POLQ: variants seen among roughly 807,000 people sequenced by gnomAD.
POLQ encodes DNA polymerase theta.
POLQ carries 233 observed loss-of-function variants against 259.2 expected under a neutral mutation model. That is an observed-to-expected ratio of 0.90 (90% CI 0.81 to 1.00). POLQ has a LOEUF of 1.00. Ranked by LOEUF, POLQ falls within the 50% of genes least tolerant of loss-of-function variation. The pLI is 0.00. For synonymous variants in POLQ, 1,025 were observed against 1,048.8 expected, an observed-to-expected ratio of 0.98 and a Z score of 0.44; for missense variants, 2,871 against 3,051.6, an observed-to-expected ratio of 0.94 and a Z score of 1.39.
Position 121,529,690 on chromosome 3 carries a change from C to T in POLQ, c.1063G>A (p.Asp355Asn). The change falls in exon 7 of 30, where the codon GAT (aspartate) becomes AAT (asparagine). Residue 355 changes from aspartate (D) to asparagine (N), a missense_variant. Physicochemically the swap from Asp to Asn is conservative, Grantham distance 23. Transcript: ENST00000264233. Reference sequence around the variant, plus strand: ...TTATAAAACTCTCGAGCAATGATATCTGCCAGCTTCTCACACCATTTCTTT... The same window carrying T: ...TTATAAAACTCTCGAGCAATGATATTTGCCAGCTTCTCACACCATTTCTTT... Reference protein sequence around the residue: ...PSKKWCEKLADIIAREFYNLH... With the variant: ...PSKKWCEKLANIIAREFYNLH... 6.2e-7 allele frequency: 1 copy of T among 1,613,426 alleles called. No homozygotes were observed. The highest frequency in any genetic ancestry group is 1.1e-5 in the South Asian group (1 of 91,032).
rs1169447792 is a variant in POLQ at position 121,509,702 on chromosome 3, T to G, written c.1818A>C (p.Gly606=). 1.9e-6 allele frequency: 3 copies of G among 1,612,294 alleles called. No homozygotes were observed. Among genetic ancestry groups the G allele is most frequent in the Non-Finnish European group, 2.5e-6 (3 of 1,179,230 alleles). Residue 606 remains glycine (G), a splice_region_variant and synonymous_variant, in exon 12 of 30, where the codon GGA becomes GGC. Transcript: ENST00000264233. ...QSTEASDGTE[G]KVYHPTHLGS... ...CAAGATGTGTTGGATGATACACCTTTCCTGGTTTAGGGTTAGGGTGAGGAA... is the reference window on the plus strand; with the variant it reads ...CAAGATGTGTTGGATGATACACCTTGCCTGGTTTAGGGTTAGGGTGAGGAA...
At chr3:121,437,164 T>G (rs2047550712) in intron 27 of POLQ, among the ~76,000 whole-genome samples, 1 of 151,778 alleles carries the variant, frequency 6.6e-6, no homozygotes. Context: ...AGACCAGGAG[T>G]TTGAAACCAG....
chr3:121,545,744 A>G lies in POLQ; in HGVS notation c.134T>C (p.Leu45Pro), dbSNP rs1344962489. ...SGSVLSPPPG[L>P]GRCLKAAAAG... The stretch of plus-strand genomic sequence containing the variant: ...AGCTGCGGCCTTCAGGCAGCGACCA[A>G]GGCCGGGCGGCGGGCTCAGCACGGA... The change falls in exon 1 of 30, where the codon CTT (leucine) becomes CCT (proline). Residue 45 changes from leucine to proline, a missense_variant. By Grantham distance (98) the Leu-to-Pro change is moderately conservative. Around this residue, in one of 3 missense-constraint regions of POLQ, gnomAD observed 783 missense variants for 906.2 expected, o/e 0.86. Coordinates refer to ENST00000264233, the MANE Select transcript of POLQ (RefSeq NM_199420.4). The G allele has an allele frequency of 6.3e-7, 1 of 1,590,726 alleles. No homozygotes were observed. Among genetic ancestry groups the G allele is most frequent in the Admixed American group, 1.8e-5 (1 of 57,046 alleles).
intron 14 of POLQ, chr3:121,494,598 T>C: frequency 1.9e-6 from 3 of 1,544,378 alleles, no homozygotes; most frequent in Non-Finnish European, 1.8e-6. Flanking sequence ...GCGGATCCCA[T>C]CAAGCTGGCT....
intron 8 of POLQ, chr3:121,521,784 T>C (rs1038535557): frequency 3.8e-6 from 1 of 266,118 alleles, no homozygotes; most frequent in Non-Finnish European, 7.0e-6. Context: ...TTGGCCAGGC[T>C]GGTCTTAAAC....
chr3:121,522,723 A>C (rs537086265), intron 7 of POLQ, among the ~76,000 whole-genome samples: 2 of 152,312 alleles, frequency 1.3e-5, no homozygotes, highest in East Asian at 3.9e-4. Context: ...AGGCAATTCC[A>C]ATGTGCGCCA....
chr3:121,516,850 T>TGCTCATTAGC (rs2048301360), intron 9 of POLQ, among the ~76,000 whole-genome samples: 1 of 152,226 alleles, frequency 6.6e-6, no homozygotes, highest in African/African-American at 2.4e-5. Flanking sequence ...AGCTTGAAGT[T>TGCTCATTAGC]ATGAGCAAGT....
At chr3:121,537,252 T>C in intron 4 of POLQ, 44 bp from the exon 5 acceptor site, 2 of 1,064,184 alleles carry the variant, frequency 1.9e-6, no homozygotes, top group Non-Finnish European at 2.9e-6. Context: ...GAATGTCACA[T>C]CCATGAAGAA....
chr3:121,436,136 T>C lies in POLQ; in HGVS notation c.7529A>G (p.Gln2510Arg), dbSNP rs1560082698. 1.2e-6 allele frequency: 2 copies of C among 1,613,742 alleles called. No individual in the cohort carries two copies. Among genetic ancestry groups the C allele is most frequent in the Non-Finnish European group, 1.7e-6 (2 of 1,179,646 alleles). ...TATGAACAAACCTGTTTGGTCACTTTGGAGCATACCCTCTCGATGACCATG... is the reference window on the plus strand; with the variant it reads ...TATGAACAAACCTGTTTGGTCACTTCGGAGCATACCCTCTCGATGACCATG... The part of the protein sequence containing the change: ...KSHGHREGML[Q>R]SDQTGLSRKR... Residue 2510 changes from glutamine (Q) to arginine (R), a missense_variant, in exon 28 of 30, where the codon CAA becomes CGA. Gln to Arg is a conservative substitution (Grantham distance 43). Transcript: ENST00000264233.
chr3:121,465,329 C>T lies in POLQ; in HGVS notation c.6967+2190G>A, dbSNP rs561642574. Among the ~76,000 whole-genome samples, 58 of 152,078 alleles carry T rather than the reference C, an allele frequency of 3.8e-4. 1 individual carries two copies. The highest frequency in any genetic ancestry group is 7.2e-4 in the Non-Finnish European group (49 of 67,986). ...CTGGTCATGAAGTCCTGGACTCAAG[C>T]GATCTTCCTGCTTCAGCCTCCCAAA... On this transcript the variant is annotated intron_variant, in intron 24 of 29. Transcript: ENST00000264233.
intron 26 of POLQ, among the ~76,000 whole-genome samples, chr3:121,444,155 G>T (rs1232938437): frequency 6.6e-6 from 1 of 151,892 alleles, no homozygotes; most frequent in East Asian, 1.9e-4. Context: ...TTTTGATAGG[G>T]AATGCATTAA....
chr3:121,447,547 A>T (rs2047642113), intron 26 of POLQ, among the ~76,000 whole-genome samples: 2 of 152,036 alleles, frequency 1.3e-5, no homozygotes, highest in South Asian at 4.2e-4. Flanking sequence ...TTTTTGATTA[A>T]TATTTTTGTC....
intron 4 of POLQ, among the ~76,000 whole-genome samples, chr3:121,537,471 CCA>C (rs1303551535): frequency 4.6e-5 from 7 of 152,086 alleles, no homozygotes; most frequent in African/African-American, 1.4e-4. Context: ...CTAGTAGTCC[CCA>C]GTTTCTGTTG....
At chr3:121,503,440 G>C (rs2048187656) in intron 12 of POLQ, among the ~76,000 whole-genome samples, 1 of 152,050 alleles carries the variant, frequency 6.6e-6, no homozygotes, top group Admixed American at 6.6e-5. Flanking sequence ...GAGGTACAGG[G>C]GAACAAATTC....
rs982905269 is a variant in POLQ, at chr3:121,457,510, T to A, written c.7152+2540A>T. Among the ~76,000 whole-genome samples the A allele has an allele frequency of 1.2e-4, 19 of 152,078 alleles. 1 individual carries two copies. Among genetic ancestry groups the A allele is most frequent in the Non-Finnish European group, 2.9e-5 (2 of 68,032 alleles). ...TCTGACAAAGGGCTAATATCCAGAA[T>A]CTACAATGAACTCAAACAAACTTAC... On this transcript the variant is annotated intron_variant, in intron 25 of 29. Transcript: ENST00000264233.
chr3:121,509,019 T>C (rs896726427), intron 12 of POLQ, among the ~76,000 whole-genome samples: 2 of 152,232 alleles, frequency 1.3e-5, no homozygotes, highest in Admixed American at 1.3e-4. Flanking sequence ...TATCAAACAA[T>C]GTTAAGTTCC....
chr3:121,452,894 C>G (rs1392162605), intron 25 of POLQ, among the ~76,000 whole-genome samples: 3 of 152,184 alleles, frequency 2.0e-5, no homozygotes, highest in Non-Finnish European at 4.4e-5. Flanking sequence ...AGTGGTTCTC[C>G]TAGCACGCAG....
chr3:121,531,011 A>C (rs544222792), intron 6 of POLQ, among the ~76,000 whole-genome samples: 21 of 152,154 alleles, frequency 1.4e-4, no homozygotes, highest in Non-Finnish European at 2.6e-4. Context: ...AACATGGAGA[A>C]GCTCCGCCTC....
At chr3:121,536,833 ATGGGGTCTCACTG>A (rs1681149009) in intron 5 of POLQ, among the ~76,000 whole-genome samples, 2 of 152,174 alleles carry the variant, frequency 1.3e-5, no homozygotes, top group South Asian at 4.2e-4. Flanking sequence ...ATTTATAGAA[ATGGGGTCTCACTG>A]TGTTGCCCAG....
Sources: allele counts gnomAD v4.1 joint callset (sites outside exome capture counted in the v4.1 genomes callset), GRCh38; gene constraint gnomAD v4.1.1; regional missense constraint gnomAD v4.1.1; transcripts MANE v1.5; gene names NCBI Gene and HGNC (gene_info 2026-07-23, HGNC 2026-07-21).